GRIN2A: variants seen among roughly 807,000 people sequenced by gnomAD.
GRIN2A encodes glutamate ionotropic receptor NMDA type subunit 2A, also known as glutamate receptor ionotropic, NMDA 2A.
Under a neutral mutation model 113.4 loss-of-function variants are expected in GRIN2A, and 22 were observed. The observed-to-expected ratio is 0.19, with a 90% CI of 0.14 to 0.28. The LOEUF (loss-of-function observed/expected upper bound fraction) is 0.28. Among genes scored for constraint, GRIN2A ranks in the 10% least tolerant of loss-of-function variants. GRIN2A has a pLI of 1.00. For synonymous variants in GRIN2A, 827 were observed against 738.4 expected (o/e 1.12, Z -1.94); for missense variants, 1,502 against 1,887.0 (o/e 0.80, Z 3.78).
intron 4 of GRIN2A, among the ~76,000 whole-genome samples, chr16:9,867,198 C>G (rs1166606508): frequency 6.6e-6 from 1 of 152,174 alleles, no homozygotes; most frequent in Non-Finnish European, 1.5e-5. Flanking sequence ...TGTAAAGCAG[C>G]AAGTACAGGT....
intron 8 of GRIN2A, 104 bp downstream of exon 8, chr16:9,834,001 G>C: frequency 8.7e-7 from 1 of 1,147,490 alleles, no homozygotes; most frequent in Non-Finnish European, 1.3e-6. Flanking sequence ...ACAGGCGTGA[G>C]CCACCATGCC....
intron 11 of GRIN2A, among the ~76,000 whole-genome samples, chr16:9,797,592 C>A (rs1596421402): frequency 6.6e-6 from 1 of 152,160 alleles, no homozygotes; most frequent in African/African-American, 2.4e-5. Flanking sequence ...CATGTTGGTA[C>A]AACATGACTC....
chr16:9,754,950 C>G lies in GRIN2A; in HGVS notation c.*8199G>C, dbSNP rs1041558755. ...CTCATGTTTGCTGGAGAACAATTAA[C>G]CTCATTAATTTGAAAGGCAGCTGTG... On this transcript the variant is annotated 3_prime_UTR_variant, in exon 13 of 13. Coordinates refer to ENST00000330684, the MANE Select transcript of GRIN2A (RefSeq NM_001134407.3). The G allele has an allele frequency of 4.7e-6, 1 of 214,538 alleles. No homozygotes were observed. Among genetic ancestry groups the G allele is most frequent in the Non-Finnish European group, 9.4e-6 (1 of 106,476 alleles). 13.3% of individuals were successfully genotyped at this position (214,538 alleles called of 1,614,324 possible).
intron 2 of GRIN2A, among the ~76,000 whole-genome samples, chr16:10,019,861 T>G (rs1405235740): frequency 6.6e-6 from 1 of 152,180 alleles, no homozygotes; most frequent in African/African-American, 2.4e-5. Flanking sequence ...CTGAGGATGG[T>G]GACTACAGTT....
intron 2 of GRIN2A, among the ~76,000 whole-genome samples, chr16:10,086,628 G>C (rs1241884876): frequency 2.7e-5 from 4 of 145,462 alleles, no homozygotes; most frequent in Non-Finnish European, 6.0e-5. Flanking sequence ...AAAAAAAAAG[G>C]AAACAGAGAA....
chr16:10,019,519 C>A (rs837705), intron 2 of GRIN2A, among the ~76,000 whole-genome samples: 103,852 of 152,052 alleles, frequency 0.68, 35,982 homozygotes, highest in Middle Eastern at 0.8. Flanking sequence ...ATTTTAATGA[C>A]AAGATAAAAC....
intron 7 of GRIN2A, among the ~76,000 whole-genome samples, chr16:9,835,989 G>A (rs2042578238): frequency 6.6e-6 from 1 of 152,118 alleles, no homozygotes; most frequent in South Asian, 2.1e-4. Context: ...AACTGCAACT[G>A]AAATTTATTT....
At position 9,823,221 on chromosome 16, in the gene GRIN2A, T is replaced by C. The variant is rs557268711; in HGVS notation, c.2008-797A>G. On this transcript the variant is annotated intron_variant, in intron 9 of 12. Coordinates refer to ENST00000330684, the MANE Select transcript of GRIN2A (RefSeq NM_001134407.3). ...GGTGACTCAATGAGAGTCGAATCAA[T>C]AGAACTGGATCTGAGTTCCAGAAAT... 3.2e-4 allele frequency among the ~76,000 whole-genome samples: 49 copies of C among 152,190 alleles called. 3 individuals are homozygous for C. The South Asian group carries it at 4.2e-3, about 13-fold the overall frequency.
Position 10,059,791 on chromosome 16 carries a change from T to C in GRIN2A, c.414+120207A>G, listed in dbSNP as rs2047520364. Among the ~76,000 whole-genome samples, 3 of 151,886 alleles carry C rather than the reference T, an allele frequency of 2.0e-5. No individual in the cohort carries two copies. In the South Asian group the frequency reaches 6.2e-4, roughly 32 times the overall value. On this transcript the variant is annotated intron_variant, in intron 2 of 12. Coordinates refer to ENST00000330684, the MANE Select transcript of GRIN2A (RefSeq NM_001134407.3). ...GGTAAGAGGTAAGTGAAGAGAATGTTTGGGCATTATGTGTTTATACAATTT... is the reference window on the plus strand; with the variant it reads ...GGTAAGAGGTAAGTGAAGAGAATGTCTGGGCATTATGTGTTTATACAATTT...
At chr16:10,045,704 T>G (rs553725191) in intron 2 of GRIN2A, among the ~76,000 whole-genome samples, 10 of 152,374 alleles carry the variant, frequency 6.6e-5, no homozygotes, top group African/African-American at 2.2e-4. Flanking sequence ...TCCTATGACA[T>G]CAGTCATCAA....
intron 2 of GRIN2A, among the ~76,000 whole-genome samples, chr16:10,173,313 G>A (rs902920163): frequency 1.3e-5 from 2 of 152,188 alleles, no homozygotes; most frequent in South Asian, 2.1e-4. Context: ...CCCATCACTC[G>A]CATCCAAACT....
chr16:10,020,076 T>A (rs186172367), intron 2 of GRIN2A, among the ~76,000 whole-genome samples: 1 of 152,302 alleles, frequency 6.6e-6, no homozygotes, highest in Admixed American at 6.5e-5. Context: ...ATTTGTCAGT[T>A]AAACCTCAAT....
In GRIN2A at chr16:9,754,510, C is replaced by A. The variant is rs1900280810; in HGVS notation, c.*8639G>T. On this transcript the variant is annotated 3_prime_UTR_variant, in exon 13 of 13. Transcript: ENST00000330684. ...TCCACTTTCATCTTTTCAAATTCAT[C>A]AAAAATTTCAAACAAGATCACCTGG... 4.7e-6 allele frequency: 1 copy of A among 211,812 alleles called. No individual in the cohort carries two copies. The highest frequency in any genetic ancestry group is 9.6e-6 in the Non-Finnish European group (1 of 104,578). The allele number at this position is 211,812 out of a possible 1,614,324, so 13.1% of individuals were successfully genotyped here. A position where few individuals can be genotyped will look rare whatever the true frequency, so the allele number is the denominator to read the frequency against.
chr16:9,922,230 T>C (rs569917733), intron 3 of GRIN2A, among the ~76,000 whole-genome samples: 2 of 152,058 alleles, frequency 1.3e-5, no homozygotes, highest in Admixed American at 1.3e-4. Flanking sequence ...ATGGCCTAAG[T>C]GATCTCCAGC....
chr16:9,826,004 G>A (rs1228122439), intron 9 of GRIN2A, among the ~76,000 whole-genome samples: 2 of 150,262 alleles, frequency 1.3e-5, no homozygotes, highest in African/African-American at 4.9e-5. Context: ...GAAGGAGAGG[G>A]GGAGGAATGA....
chr16:10,069,430 A>AAC (rs2047709768), intron 2 of GRIN2A, among the ~76,000 whole-genome samples: 1 of 152,206 alleles, frequency 6.6e-6, no homozygotes, highest in South Asian at 2.1e-4. Context: ...GAGAACAGAC[A>AAC]ACACACACAC....
At chr16:9,842,806 A>T (rs575912306) in intron 5 of GRIN2A, among the ~76,000 whole-genome samples, 28 of 152,192 alleles carry the variant, frequency 1.8e-4, no homozygotes, top group African/African-American at 6.3e-4. Flanking sequence ...GCATGGTGGC[A>T]TGCACCTGTA....
chr16:9,982,399 T>C (rs573768075), intron 2 of GRIN2A, among the ~76,000 whole-genome samples: 2 of 152,374 alleles, frequency 1.3e-5, no homozygotes, highest in South Asian at 4.1e-4. Context: ...CATTAACGTT[T>C]GCAATGTAGG....
At chr16:10,129,316 A>T (rs2049013483) in intron 2 of GRIN2A, among the ~76,000 whole-genome samples, 10 of 152,162 alleles carry the variant, frequency 6.6e-5, no homozygotes. Context: ...TAAGATATAG[A>T]AATGACTAAT....
Sources: gnomAD v4.1 joint callset for allele counts (sites outside exome capture counted in the v4.1 genomes callset) on GRCh38, gnomAD v4.1.1 for gene constraint, MANE v1.5 for transcripts, NCBI Gene and HGNC (gene_info 2026-07-23, HGNC 2026-07-21) for gene names.